SLC14A2: variants seen among roughly 807,000 people sequenced by gnomAD.
SLC14A2 encodes solute carrier family 14 member 2, also known as urea transporter 2.
Under a neutral mutation model 104.6 loss-of-function variants are expected in SLC14A2, and 91 were observed. That is an observed-to-expected ratio of 0.87 (90% CI 0.73 to 1.04). SLC14A2 has a LOEUF of 1.04. SLC14A2 is among the 50% of genes least tolerant of loss of function. The pLI is 0.00. For synonymous variants in SLC14A2, 476 were observed against 466.4 expected (o/e 1.02, Z -0.27); for missense variants, 1,189 against 1,156.0 (o/e 1.03, Z -0.41).
At chr18:45,457,692 A>C (rs954617106) in intron 1 of SLC14A2, among the ~76,000 whole-genome samples, 6 of 151,188 alleles carry the variant, frequency 4.0e-5, no homozygotes, top group African/African-American at 1.5e-4. Flanking sequence ...GAGGTTAAAA[A>C]AAAAAAAAAA....
chr18:45,677,064 T>A (rs2046239224), intron 18 of SLC14A2, among the ~76,000 whole-genome samples: 2 of 152,294 alleles, frequency 1.3e-5, no homozygotes, highest in Admixed American at 1.3e-4. Context: ...GCACATCACC[T>A]GAGACAGACA....
intron 1 of SLC14A2, among the ~76,000 whole-genome samples, chr18:45,226,382 T>C (rs911443540): frequency 2.0e-5 from 3 of 152,124 alleles, no homozygotes; most frequent in Non-Finnish European, 4.4e-5. Flanking sequence ...ATGTTTATTG[T>C]GGCACTATTC....
At chr18:45,298,707 A>C (rs1252519101) in intron 1 of SLC14A2, among the ~76,000 whole-genome samples, 1 of 152,130 alleles carries the variant, frequency 6.6e-6, no homozygotes, top group Non-Finnish European at 1.5e-5. Context: ...TGGAAAGTTA[A>C]ATAAAGATAC....
chr18:45,435,022 T>C (rs577395021), intron 1 of SLC14A2, among the ~76,000 whole-genome samples: 2 of 152,296 alleles, frequency 1.3e-5, no homozygotes, highest in South Asian at 2.1e-4. Flanking sequence ...CTAACTAGTA[T>C]TTTCTATAAT....
intron 2 of SLC14A2, among the ~76,000 whole-genome samples, chr18:45,561,129 G>A (rs1238063054): frequency 6.6e-6 from 1 of 152,112 alleles, no homozygotes; most frequent in Non-Finnish European, 1.5e-5. Flanking sequence ...AGCCACGGGA[G>A]GCCACTGTCA....
At chr18:45,378,675 G>A (rs1301645642) in intron 1 of SLC14A2, among the ~76,000 whole-genome samples, 1 of 152,242 alleles carries the variant, frequency 6.6e-6, no homozygotes. Flanking sequence ...AACTCTATGA[G>A]AGGAGGGGAC....
intron 1 of SLC14A2, among the ~76,000 whole-genome samples, chr18:45,285,245 GT>G (rs1405817350): frequency 2.0e-5 from 3 of 152,010 alleles, no homozygotes; most frequent in African/African-American, 7.3e-5. Context: ...AGATTGTATG[GT>G]CTAATCCTTT....
chr18:45,590,904 T>C (rs955212237), intron 2 of SLC14A2, among the ~76,000 whole-genome samples: 7 of 152,236 alleles, frequency 4.6e-5, no homozygotes, highest in African/African-American at 1.4e-4. Flanking sequence ...ATCTTGCAGA[T>C]GACAAAATTG....
chr18:45,295,443 C>G (rs760080324), intron 1 of SLC14A2, among the ~76,000 whole-genome samples: 6 of 151,990 alleles, frequency 3.9e-5, no homozygotes, highest in Non-Finnish European at 8.8e-5. Context: ...TATGGCTGCC[C>G]AAGGTCATCA....
chr18:45,476,573 G>T (rs2144684959), intron 1 of SLC14A2, among the ~76,000 whole-genome samples: 1 of 152,272 alleles, frequency 6.6e-6, no homozygotes, highest in Non-Finnish European at 1.5e-5. Context: ...CCTGAAGAGT[G>T]TTTTCCAACT....
At position 45,643,180 on chromosome 18, in the gene SLC14A2, TG is replaced by T; in HGVS notation, c.1176+1del. On this transcript the variant is annotated frameshift_variant and splice_region_variant, in exon 9 of 20. Transcript: ENST00000255226. LOFTEE classifies it high-confidence loss of function. ...GCAGCCATCTCCAACATCATGTCAG[TG>T]GTAAGTGTGGATTCTCCTGAACACT... ...MEAAISNIMS[V>X]VGVPPGTWAF... is the part of the protein sequence containing the mutation. 6.2e-7 allele frequency: 1 copy of T among 1,613,764 alleles called. No homozygotes were observed. The highest frequency in any genetic ancestry group is 8.5e-7 in the Non-Finnish European group (1 of 1,179,612).
chr18:45,388,869 C>A (rs2085930260), intron 1 of SLC14A2, among the ~76,000 whole-genome samples: 2 of 152,136 alleles, frequency 1.3e-5, no homozygotes, highest in African/African-American at 4.8e-5. Context: ...ATTATGCTTC[C>A]AAATGTGGAT....
At chr18:45,473,942 A>T (rs12774804) in intron 1 of SLC14A2, among the ~76,000 whole-genome samples, 1 of 152,136 alleles carries the variant, frequency 6.6e-6, no homozygotes, top group Non-Finnish European at 1.5e-5. Context: ...GAGAGGGCAT[A>T]CTTGTCTTGT....
chr18:45,364,974 G>A (rs190569662), intron 1 of SLC14A2, among the ~76,000 whole-genome samples: 63 of 152,292 alleles, frequency 4.1e-4, no homozygotes, highest in East Asian at 5.8e-4. Context: ...AGAGTGAATC[G>A]CAGATTTTGG....
intron 1 of SLC14A2, among the ~76,000 whole-genome samples, chr18:45,467,214 G>A (rs1244339024): frequency 6.6e-6 from 1 of 152,178 alleles, no homozygotes; most frequent in Non-Finnish European, 1.5e-5. Flanking sequence ...ACTGGCTCCA[G>A]CAGTAGAAGG....
chr18:45,390,778 C>A (rs9961620), intron 1 of SLC14A2, among the ~76,000 whole-genome samples: 1 of 152,056 alleles, frequency 6.6e-6, no homozygotes, highest in Non-Finnish European at 1.5e-5. Context: ...GCACCTTTCA[C>A]CCAGATCGTA....
chr18:45,590,876 C>T (rs931455433), intron 2 of SLC14A2, among the ~76,000 whole-genome samples: 19 of 152,232 alleles, frequency 1.2e-4, no homozygotes, highest in African/African-American at 4.3e-4. Context: ...AACCCTGCAA[C>T]GTAATGATAT....
At chr18:45,282,016 C>CT (rs1476626772) in intron 1 of SLC14A2, among the ~76,000 whole-genome samples, 4 of 152,106 alleles carry the variant, frequency 2.6e-5, no homozygotes, top group Admixed American at 6.5e-5. Context: ...ACCTTGACTT[C>CT]TTTTTTCCTG....
At chr18:45,676,821 G>A (rs1232092214) in intron 18 of SLC14A2, among the ~76,000 whole-genome samples, 2 of 152,276 alleles carry the variant, frequency 1.3e-5, no homozygotes, top group South Asian at 2.1e-4. Flanking sequence ...GGAGAAATGA[G>A]GCTAAAGGAA....
Sources: gnomAD v4.1 joint callset for allele counts (sites outside exome capture counted in the v4.1 genomes callset) on GRCh38, gnomAD v4.1.1 for gene constraint, MANE v1.5 for transcripts, NCBI Gene and HGNC (gene_info 2026-07-23, HGNC 2026-07-21) for gene names.